The following DDC variants were observed in gnomAD, a reference collection of about 807,000 sequenced individuals.
DDC encodes aromatic-L-amino-acid decarboxylase.
A neutral mutation model predicts 60.0 loss-of-function variants in DDC; 43 were observed. The ratio of observed to expected loss-of-function variants is 0.72; its 90% CI spans 0.56 to 0.92. The LOEUF is 0.92. Among genes scored for constraint, DDC ranks in the 40% least tolerant of loss-of-function variants. DDC has a pLI of 0.00. For synonymous variants in DDC, 232 were observed against 234.6 expected, an observed-to-expected ratio of 0.99 and a Z score of 0.10; for missense variants, 573 against 620.2, an observed-to-expected ratio of 0.92 and a Z score of 0.81.
chr7:50,521,510 C>T (rs978217116), intron 6 of DDC, among the ~76,000 whole-genome samples: 6 of 152,012 alleles, frequency 3.9e-5, no homozygotes, highest in Non-Finnish European at 7.4e-5. Flanking sequence ...TGCAAAAATT[C>T]TCAACAAAAT....
At chr7:50,557,472 A>T (rs186001623) in intron 1 of DDC, among the ~76,000 whole-genome samples, 31 of 152,356 alleles carry the variant, frequency 2.0e-4, no homozygotes, top group African/African-American at 6.7e-4. Context: ...TTTAGTCCTG[A>T]CCGTAGACAA....
At chr7:50,557,732 G>T (rs942890345) in intron 1 of DDC, among the ~76,000 whole-genome samples, 2 of 152,140 alleles carry the variant, frequency 1.3e-5, no homozygotes, top group South Asian at 2.1e-4. Flanking sequence ...TCACCATATA[G>T]GTCGCACCTA....
In DDC at chr7:50,470,994, G is replaced by A. The variant is rs148192170; in HGVS notation, c.1042-823C>T. Among the ~76,000 whole-genome samples the A allele has an allele frequency of 2.1e-4, 32 of 152,360 alleles. 1 individual carries two copies. The East Asian group carries it at 2.3e-3, about 11-fold the overall frequency. ...CCTGGGTGACACAGTGCAGCCAGGC[G>A]CGACACTCTAGCGCAGCTGGGCCAT... On this transcript the variant is annotated intron_variant, in intron 11 of 14. Transcript: ENST00000444124.
chr7:50,459,897 C>A (rs1342381564), intron 14 of DDC, among the ~76,000 whole-genome samples: 1 of 137,420 alleles, frequency 7.3e-6, no homozygotes, highest in Non-Finnish European at 1.5e-5. Flanking sequence ...GTCAGCCCCC[C>A]GCCCGGCCAG....
intron 12 of DDC, among the ~76,000 whole-genome samples, chr7:50,468,310 G>A (rs2042446850): frequency 6.6e-6 from 1 of 152,248 alleles, no homozygotes; most frequent in African/African-American, 2.4e-5. Flanking sequence ...GCAGGATTGG[G>A]TCCCCTTTAA....
At chr7:50,519,509 GAATA>G (rs1241776200) in intron 6 of DDC, among the ~76,000 whole-genome samples, 1 of 152,052 alleles carries the variant, frequency 6.6e-6, no homozygotes, top group Non-Finnish European at 1.5e-5. Context: ...ATCAATCAAC[GAATA>G]AATAAAGAAA....
intron 9 of DDC, among the ~76,000 whole-genome samples, chr7:50,484,796 T>C (rs1562993896): frequency 6.6e-6 from 1 of 152,136 alleles, no homozygotes; most frequent in Non-Finnish European, 1.5e-5. Flanking sequence ...AGGACCCTTG[T>C]GTTGGGTTGA....
intron 14 of DDC, among the ~76,000 whole-genome samples, chr7:50,461,000 G>A (rs1221666778): frequency 6.7e-6 from 1 of 150,138 alleles, no homozygotes; most frequent in Non-Finnish European, 1.5e-5. Context: ...ATTGTCCTAT[G>A]ACCCTGCCAA....
intron 9 of DDC, among the ~76,000 whole-genome samples, chr7:50,487,894 T>C (rs2042919163): frequency 6.6e-6 from 1 of 152,148 alleles, no homozygotes; most frequent in Non-Finnish European, 1.5e-5. Flanking sequence ...ATATTTGGAA[T>C]GAGGGTTATA....
intron 6 of DDC, among the ~76,000 whole-genome samples, chr7:50,518,497 G>A (rs548298567): frequency 1.6e-4 from 25 of 152,136 alleles, no homozygotes; most frequent in Non-Finnish European, 3.5e-4. Context: ...TATACTATAA[G>A]GCCATAGTCA....
At chr7:50,529,386 A>T (rs1249232747) in intron 4 of DDC, 44 bp from the exon 5 acceptor site, 1 of 1,610,102 alleles carries the variant, frequency 6.2e-7, no homozygotes, top group East Asian at 2.2e-5. Context: ...AACATAGCGA[A>T]GGCATTGGTA....
At chr7:50,551,245 T>C (rs1293674154) in intron 1 of DDC, among the ~76,000 whole-genome samples, 1 of 151,382 alleles carries the variant, frequency 6.6e-6, no homozygotes, top group East Asian at 1.9e-4. Flanking sequence ...TTTTTTTTTT[T>C]TTTGAGACGG....
intron 13 of DDC, 141 bp downstream of exon 13, chr7:50,467,073 G>A (rs1294450180): frequency 1.2e-6 from 1 of 823,976 alleles, no homozygotes; most frequent in Non-Finnish European, 2.1e-6. Flanking sequence ...GGGCAGGGCA[G>A]GCCGGTGGGC....
intron 6 of DDC, among the ~76,000 whole-genome samples, chr7:50,518,351 TACC>T (rs1321008368): frequency 6.6e-6 from 1 of 151,662 alleles, no homozygotes; most frequent in Non-Finnish European, 1.5e-5. Flanking sequence ...CCCATCAAAA[TACC>T]ACCATCATTC....
chr7:50,555,938 C>G (rs916201178), intron 1 of DDC, among the ~76,000 whole-genome samples: 4 of 152,206 alleles, frequency 2.6e-5, no homozygotes, highest in African/African-American at 9.6e-5. Flanking sequence ...AGATGCATAT[C>G]AGTTGATGAA....
intron 11 of DDC, among the ~76,000 whole-genome samples, chr7:50,475,905 G>C (rs577247116): frequency 1.5e-3 from 226 of 152,130 alleles, no homozygotes; most frequent in Non-Finnish European, 2.5e-3. Context: ...GGCCAGGCTG[G>C]TCTCGAAGAC....
At chr7:50,514,535 G>A (rs62445943) in intron 6 of DDC, among the ~76,000 whole-genome samples, 2,421 of 152,264 alleles carry the variant, frequency 0.016, 42 homozygotes, top group Middle Eastern at 0.044. Context: ...AGCTAATCGG[G>A]GAAGCACCAG....
At chr7:50,524,470 A>C (rs1316544503) in intron 6 of DDC, among the ~76,000 whole-genome samples, 1 of 152,210 alleles carries the variant, frequency 6.6e-6, no homozygotes, top group East Asian at 1.9e-4. Flanking sequence ...AAGCTTATTC[A>C]TTTAAAAAAT....
rs1043437534 is a variant in DDC at position 50,515,733 on chromosome 7, G to A, written c.715-11674C>T. ...ACATAAACTTAAGGGGTGGAAAAAG[G>A]CATTTCATGCAAATGGACACCAAAA... On this transcript the variant is annotated intron_variant, in intron 6 of 14. Coordinates refer to ENST00000444124, the MANE Select transcript of DDC (RefSeq NM_001082971.2). Among the ~76,000 whole-genome samples the A allele has an allele frequency of 6.6e-5, 10 of 152,222 alleles. No individual in the cohort carries two copies. In the South Asian group the frequency reaches 1.9e-3, roughly 28 times the overall value.
Sources: allele counts gnomAD v4.1 joint callset (sites outside exome capture counted in the v4.1 genomes callset), GRCh38; gene constraint gnomAD v4.1.1; transcripts MANE v1.5; gene names NCBI Gene and HGNC (gene_info 2026-07-23, HGNC 2026-07-21).